Variants in P2RY11 observed in about 807,000 individuals in gnomAD.
P2RY11 encodes the protein purinergic receptor P2Y11, also known as P2Y purinoceptor 11.
P2RY11 carries 3 observed loss-of-function variants against 2.4 expected under a neutral mutation model. The ratio of observed to expected loss-of-function variants is 1.22; its 90% confidence interval spans 0.56 to 3.17. P2RY11 has a LOEUF of 3.17. Among genes scored for constraint, P2RY11 ranks in the 30% most tolerant of loss-of-function variants. The pLI is 0.03. For missense variants in P2RY11, 670 were observed against 528.2 expected (o/e 1.27, Z -2.63); for synonymous variants, 307 against 237.3 (o/e 1.29, Z -2.70).
intron 1 of P2RY11, among the ~76,000 whole-genome samples, chr19:10,113,262 C>G (rs943970426): frequency 6.6e-6 from 1 of 152,154 alleles, no homozygotes; most frequent in Admixed American, 6.6e-5. Context: ...GGGGCTGGAC[C>G]CCCACGGGGC....
At chr19:10,111,765 C>G (rs769483135) in intron 1 of P2RY11, 25 bp downstream of exon 1, 1 of 1,613,074 alleles carries the variant, frequency 6.2e-7, no homozygotes, top group South Asian at 1.1e-5. Flanking sequence ...TGTTGGCTGT[C>G]TCTGGGGGTC....
Position 10,113,926 on chromosome 19 carries a change from G to A in P2RY11, c.313G>A (p.Glu105Lys), listed in dbSNP as rs765344429. 6.2e-7 allele frequency: 1 copy of A among 1,603,786 alleles called. No homozygotes were observed. The highest frequency in any genetic ancestry group is 8.5e-7 in the Non-Finnish European group (1 of 1,179,866). ...WRYGEAACRLERFLFTCNLLG... is the reference protein window; with the variant it reads ...WRYGEAACRLKRFLFTCNLLG... ...CTATGGGGAGGCCGCGTGCCGCCTG[G>A]AGCGCTTCCTCTTCACCTGCAACCT... Residue 105 changes from glutamate to lysine, a missense_variant, in exon 2 of 2, where the codon GAG (glutamate) becomes AAG (lysine). By Grantham distance (56) the Glu-to-Lys change is moderately conservative. Coordinates refer to ENST00000321826, the MANE Select transcript of P2RY11 (RefSeq NM_002566.5).
Position 10,113,692 on chromosome 19 carries a change from CA to C in P2RY11, c.80del (p.Gln27ArgfsTer54). The C allele has an allele frequency of 6.2e-7, 1 of 1,609,278 alleles. No individual in the cohort carries two copies. Among genetic ancestry groups the C allele is most frequent in the Non-Finnish European group, 8.5e-7 (1 of 1,177,228 alleles). On this transcript the variant is annotated frameshift_variant, in exon 2 of 2. Coordinates refer to ENST00000321826, the MANE Select transcript of P2RY11 (RefSeq NM_002566.5). LOFTEE classifies it low-confidence loss of function (END_TRUNC). ...AAADDKLSGF[Q>X]GDFLWPILVV... The stretch of plus-strand genomic sequence containing the variant: ...TGCCGACGACAAACTCAGTGGGTTC[CA>C]GGGGGACTTCCTGTGGCCCATACTG...
rs2089187651 is a variant in P2RY11 at position 10,114,134 on chromosome 19, A to T, written c.521A>T (p.Gln174Leu). 6.2e-7 allele frequency: 1 copy of T among 1,601,096 alleles called. No individual in the cohort carries two copies. Among genetic ancestry groups the T allele is most frequent in the Non-Finnish European group, 8.5e-7 (1 of 1,179,628 alleles). ...AGCTTCTCCCACCTGAAGAGGCCGC[A>T]GCAGGGGGCGGGCAACTGCAGCGTG... ...TLSFSHLKRPQQGAGNCSVAR... is the reference protein window; with the variant it reads ...TLSFSHLKRPLQGAGNCSVAR... Residue 174 changes from glutamine to leucine, a missense_variant, in exon 2 of 2, where the codon CAG (glutamine) becomes CTG (leucine). By Grantham distance (113) the Gln-to-Leu change is moderately radical. Transcript: ENST00000321826.
rs552730015 is a variant in P2RY11, at chr19:10,113,778, C to T, written c.165C>T (p.Ile55=). ...GCCTGGCCCTGTACCGCTTCAGCAT[C>T]CGGAAGCAGCGCCCATGGCACCCCG... is the stretch of plus-strand genomic sequence containing the variant. ...SNGLALYRFS[I]RKQRPWHPAV... is the part of the protein sequence containing the mutation. Residue 55 remains isoleucine, a synonymous_variant, in exon 2 of 2, where the codon ATC becomes ATT. Transcript: ENST00000321826. 1 of 1,614,060 alleles carries T rather than the reference C, an allele frequency of 6.2e-7. No homozygotes were observed. Among genetic ancestry groups the T allele is most frequent in the Admixed American group, 1.7e-5 (1 of 59,994 alleles).
Position 10,114,561 on chromosome 19 carries a change from C to G in P2RY11, c.948C>G (p.Val316=), listed in dbSNP as rs774532531. Residue 316 remains valine (V), a synonymous_variant, in exon 2 of 2, where the codon GTC becomes GTG. Transcript: ENST00000321826. ...GCCTCATGCCCCTGGCCTTCTGTGT[C>G]CACCCTCTACTCTACATGGCCGCAG... ...MRGLMPLAFC[V]HPLLYMAAVP... 4 of 1,613,432 alleles carry G rather than the reference C, an allele frequency of 2.5e-6. No individual in the cohort carries two copies. The highest frequency in any genetic ancestry group is 3.4e-6 in the Non-Finnish European group (4 of 1,179,722).
chr19:10,114,373 G>A lies in P2RY11; in HGVS notation c.760G>A (p.Val254Met), dbSNP rs775941398. ...TGTGGCAGCGTTGGTGGCCAGTGGTGTGGCCCTCTACGCCAGCTCCTATGT... is the reference window on the plus strand; with the variant it reads ...TGTGGCAGCGTTGGTGGCCAGTGGTATGGCCCTCTACGCCAGCTCCTATGT... ...LRVAALVASGVALYASSYVPY... is the reference protein window; with the variant it reads ...LRVAALVASGMALYASSYVPY... The change falls in exon 2 of 2, where the codon GTG becomes ATG. Residue 254 changes from valine (V) to methionine (M), a missense_variant. Coordinates refer to ENST00000321826, the MANE Select transcript of P2RY11 (RefSeq NM_002566.5). 1.1e-5 allele frequency: 18 copies of A among 1,606,926 alleles called. No individual in the cohort carries two copies. The highest frequency in any genetic ancestry group is 6.7e-5 in the Admixed American group (4 of 59,998).
chr19:10,113,882 AT>A lies in P2RY11; in HGVS notation c.270del (p.Lys93SerfsTer57). The A allele has an allele frequency of 1.2e-6, 2 of 1,609,596 alleles. No homozygotes were observed. Among genetic ancestry groups the A allele is most frequent in the Non-Finnish European group, 1.7e-6 (2 of 1,179,464 alleles). ...LTLPPLAAYL[Y>X]PPKHWRYGEA... Reference sequence around the variant, plus strand: ...CTGCCCCCGCTGGCCGCCTACCTCTATCCCCCCAAGCACTGGCGCTATGGGG... The same window carrying A: ...CTGCCCCCGCTGGCCGCCTACCTCTACCCCCCAAGCACTGGCGCTATGGGG... On this transcript the variant is annotated frameshift_variant, in exon 2 of 2. Coordinates refer to ENST00000321826, the MANE Select transcript of P2RY11 (RefSeq NM_002566.5). LOFTEE classifies it low-confidence loss of function (END_TRUNC).
In P2RY11 at chr19:10,113,678, AACTC is replaced by A; in HGVS notation, c.67_70del (p.Leu23ValfsTer57). ...AACTTCTTGGCAGCTGCCGACGACA[AACTC>A]AGTGGGTTCCAGGGGGACTTCCTGT... On this transcript the variant is annotated frameshift_variant, in exon 2 of 2. Transcript: ENST00000321826. LOFTEE classifies it low-confidence loss of function (END_TRUNC). 1 of 1,582,376 alleles carries A rather than the reference AACTC, an allele frequency of 6.3e-7. No homozygotes were observed. Among genetic ancestry groups the A allele is most frequent in the Non-Finnish European group, 8.6e-7 (1 of 1,161,638 alleles).
In P2RY11 at chr19:10,113,645, G is replaced by T. The variant is rs1956411413; in HGVS notation, c.32G>T (p.Cys11Phe). Residue 11 changes from cysteine to phenylalanine, a missense_variant, in exon 2 of 2, where the codon TGC becomes TTC. Coordinates refer to ENST00000321826, the MANE Select transcript of P2RY11 (RefSeq NM_002566.5). MAANVSGAKS[C>F]PANFLAAADD... ...CTTCTGCCCACAGGTGCCAAGTCCT[G>T]CCCTGCCAACTTCTTGGCAGCTGCC... 6.2e-7 allele frequency: 1 copy of T among 1,611,166 alleles called. No individual in the cohort carries two copies. Among genetic ancestry groups the T allele is most frequent in the Non-Finnish European group, 8.5e-7 (1 of 1,177,756 alleles).
Position 10,114,736 on chromosome 19 carries a change from T to C in P2RY11, c.1123T>C (p.Ter375ArgextTer11), listed in dbSNP as rs1259474835. Residue 375 changes from the stop codon to arginine, a stop_lost, in exon 2 of 2, where the codon TGA (stop) becomes CGA (arginine). Transcript: ENST00000321826. ...SEPQSRELSQ[*>R] is the part of the protein sequence containing the mutation. ...GCCCCAGTCCCGTGAGCTGAGCCAA[T>C]GATGTGGCCTAGCGGAAGCTGCCTC... is the stretch of plus-strand genomic sequence containing the variant. 2.4e-5 allele frequency: 39 copies of C among 1,600,168 alleles called. No homozygotes were observed. The highest frequency in any genetic ancestry group is 2.8e-5 in the Non-Finnish European group (33 of 1,170,934).
chr19:10,113,768 G>T lies in P2RY11; in HGVS notation c.155G>T (p.Arg52Leu), dbSNP rs371432268. Residue 52 changes from arginine (R) to leucine (L), a missense_variant, in exon 2 of 2, where the codon CGC (arginine) becomes CTC (leucine). Physicochemically the swap from Arg to Leu is moderately radical, Grantham distance 102. Coordinates refer to ENST00000321826, the MANE Select transcript of P2RY11 (RefSeq NM_002566.5). ...AVASNGLALY[R>L]FSIRKQRPWH... ...GCCAGCAATGGCCTGGCCCTGTACC[G>T]CTTCAGCATCCGGAAGCAGCGCCCA... The T allele has an allele frequency of 6.2e-7, 1 of 1,613,940 alleles. No individual in the cohort carries two copies. The highest frequency in any genetic ancestry group is 1.3e-5 in the African/African-American group (1 of 74,902).
Position 10,115,013 on chromosome 19 carries a change from G to T in P2RY11, c.*275G>T, listed in dbSNP as rs1404326955. On this transcript the variant is annotated 3_prime_UTR_variant, in exon 2 of 2. Coordinates refer to ENST00000321826, the MANE Select transcript of P2RY11 (RefSeq NM_002566.5). ...GAGACGCAAGAACAAAAAGAACCAAGTAGAGAGAGTGGAGCTGCTTTATTG... is the reference window on the plus strand; with the variant it reads ...GAGACGCAAGAACAAAAAGAACCAATTAGAGAGAGTGGAGCTGCTTTATTG... 5 of 1,556,610 alleles carry T rather than the reference G, an allele frequency of 3.2e-6. No homozygotes were observed. The South Asian group carries it at 4.6e-5, about 14-fold the overall frequency.
At position 10,114,912 on chromosome 19, in the gene P2RY11, C is replaced by T; in HGVS notation, c.*174C>T. On this transcript the variant is annotated 3_prime_UTR_variant, in exon 2 of 2. Transcript: ENST00000321826. The stretch of plus-strand genomic sequence containing the variant: ...TCGCCTTTCCCACCCACAGCGCTGG[C>T]CACAGGGCTCCCTGCAGGGTCAGGG... The T allele has an allele frequency of 2.9e-6, 4 of 1,386,288 alleles. No individual in the cohort carries two copies. Among genetic ancestry groups the T allele is most frequent in the East Asian group, 2.5e-5 (1 of 40,300 alleles). 85.9% of individuals were successfully genotyped at this position (1,386,288 alleles called of 1,614,324 possible).
intron 1 of P2RY11, chr19:10,111,981 A>T (rs2089097605): frequency 2.0e-6 from 1 of 496,552 alleles, no homozygotes; most frequent in Non-Finnish European, 3.7e-6. Flanking sequence ...CTGGTGGCAC[A>T]TGCCTGTAAT....
rs1248559192 is a variant in P2RY11, at chr19:10,114,575, A to G, written c.962A>G (p.Tyr321Cys). 3.7e-6 allele frequency: 6 copies of G among 1,613,706 alleles called. No individual in the cohort carries two copies. The highest frequency in any genetic ancestry group is 5.1e-6 in the Non-Finnish European group (6 of 1,179,934). ...PLAFCVHPLL[Y>C]MAAVPSLGCC... ...GCCTTCTGTGTCCACCCTCTACTCT[A>G]CATGGCCGCAGTGCCCAGCCTGGGC... Residue 321 changes from tyrosine to cysteine, a missense_variant, in exon 2 of 2, where the codon TAC (tyrosine) becomes TGC (cysteine). Tyr to Cys is a radical substitution (Grantham distance 194). Coordinates refer to ENST00000321826, the MANE Select transcript of P2RY11 (RefSeq NM_002566.5).
chr19:10,113,455 T>G (rs12462506), intron 1 of P2RY11, among the ~76,000 whole-genome samples, 178 bp from the exon 2 acceptor site: 33,978 of 152,020 alleles, frequency 0.22, 5,055 homozygotes, highest in African/African-American at 0.39. Context: ...GCCCAATGCA[T>G]AACCCTGGCT....
intron 1 of P2RY11, among the ~76,000 whole-genome samples, chr19:10,112,953 G>A (rs935822399): frequency 1.3e-5 from 2 of 151,800 alleles, no homozygotes; most frequent in African/African-American, 4.8e-5. Flanking sequence ...AAAAAAAAAA[G>A]TCTGGGTGCG....
chr19:10,112,958 G>A (rs1361799545), intron 1 of P2RY11, among the ~76,000 whole-genome samples: 1 of 152,040 alleles, frequency 6.6e-6, no homozygotes, highest in African/African-American at 2.4e-5. Flanking sequence ...AAAAAGTCTG[G>A]GTGCGAAGGT....
Sources: gnomAD v4.1 joint callset for allele counts (sites outside exome capture counted in the v4.1 genomes callset) on GRCh38, gnomAD v4.1.1 for gene constraint, MANE v1.5 for transcripts, NCBI Gene and HGNC (gene_info 2026-07-23, HGNC 2026-07-21) for gene names.